WDR1: variants seen among roughly 807,000 people sequenced by gnomAD.
WDR1 encodes WD repeat domain 1, also known as WD repeat-containing protein 1.
A neutral mutation model predicts 71.9 loss-of-function variants in WDR1; 21 were observed. The observed-to-expected ratio is 0.29, with a 90% confidence interval of 0.21 to 0.42. WDR1 has a LOEUF of 0.42. Ranked by LOEUF, WDR1 falls within the 10% of genes least tolerant of loss-of-function variation. The pLI, the probability that WDR1 is intolerant of heterozygous loss-of-function variation, is 1.00. For synonymous variants in WDR1, 424 were observed against 347.4 expected (o/e 1.22, Z -2.45); for missense variants, 696 against 824.5 (o/e 0.84, Z 1.91).
chr4:10,087,820 C>A lies in WDR1; in HGVS notation c.838G>T (p.Asp280Tyr). 6.3e-7 allele frequency: 1 copy of A among 1,588,168 alleles called. No individual in the cohort carries two copies. Among genetic ancestry groups the A allele is most frequent in the Non-Finnish European group, 8.6e-7 (1 of 1,166,720 alleles). The change falls in exon 8 of 15, where the codon GAC (aspartate) becomes TAC (tyrosine). Residue 280 changes from aspartate to tyrosine, a missense_variant. Asp to Tyr is a radical substitution (Grantham distance 160, BLOSUM62 -3). Coordinates refer to ENST00000499869, the MANE Select transcript of WDR1 (RefSeq NM_017491.5). Reference sequence around the variant, plus strand: ...TGCCATAGGCAGCCCAGCTGCTGGTCCAGAACCGTGGAGCCCATGGGAAAT... The same window carrying A: ...TGCCATAGGCAGCCCAGCTGCTGGTACAGAACCGTGGAGCCCATGGGAAAT... The part of the protein sequence containing the change: ...STFPMGSTVL[D>Y]QQLGCLWQKD...
Position 10,116,162 on chromosome 4 carries a change from T to G in WDR1, c.89A>C (p.Asn30Thr). 1 of 1,613,714 alleles carries G rather than the reference T, an allele frequency of 6.2e-7. No homozygotes were observed. Among genetic ancestry groups the G allele is most frequent in the Non-Finnish European group, 8.5e-7 (1 of 1,179,812 alleles). Residue 30 changes from asparagine (N) to threonine (T), a missense_variant, in exon 2 of 15, where the codon AAC (asparagine) becomes ACC (threonine). Coordinates refer to ENST00000499869, the MANE Select transcript of WDR1 (RefSeq NM_017491.5). ...SKIIGGDPKG[N>T]NFLYTNGKCV... ...CTTTCCATTGGTGTACAGAAAATTG[T>G]TGCCCTTAGGGTCGCCGCCGATGAT... is the stretch of plus-strand genomic sequence containing the variant.
chr4:10,116,780 G>C lies in WDR1; in HGVS notation c.-114C>G, dbSNP rs1015424166. 9 of 1,191,812 alleles carry C rather than the reference G, an allele frequency of 7.6e-6. No individual in the cohort carries two copies. The Admixed American group carries it at 1.3e-4, about 17-fold the overall frequency. The allele number at this position is 1,191,812 out of a possible 1,614,324, so 73.8% of individuals were successfully genotyped here. On this transcript the variant is annotated 5_prime_UTR_variant, in exon 1 of 15. Transcript: ENST00000499869. Reference sequence around the variant, plus strand: ...GGGACTGGAGCCGGAAGGCGGCACCGGGCGTGCCGGGAGTGGAGTGGGCGG... The same window carrying C: ...GGGACTGGAGCCGGAAGGCGGCACCCGGCGTGCCGGGAGTGGAGTGGGCGG...
At chr4:10,083,808 C>T (rs921602316) in intron 9 of WDR1, among the ~76,000 whole-genome samples, 3 of 152,180 alleles carry the variant, frequency 2.0e-5, no homozygotes, top group East Asian at 1.9e-4. Context: ...AGGAAAAACA[C>T]AACAGAAGCC....
At chr4:10,110,116 C>T (rs145831530) in intron 2 of WDR1, among the ~76,000 whole-genome samples, 220 of 152,270 alleles carry the variant, frequency 1.4e-3, no homozygotes, top group African/African-American at 5.0e-3. Context: ...GGGTGGGATG[C>T]TGGCCTTTCC....
chr4:10,093,651 T>G (rs758270634), intron 5 of WDR1, among the ~76,000 whole-genome samples: 1 of 152,206 alleles, frequency 6.6e-6, no homozygotes, highest in African/African-American at 2.4e-5. Context: ...GGGCACCTAC[T>G]GGCCATGTGA....
In WDR1 at chr4:10,077,883, T is replaced by C. The variant is rs1462212645; in HGVS notation, c.1439A>G (p.Lys480Arg). Residue 480 changes from lysine to arginine, a missense_variant, in exon 13 of 15, where the codon AAG becomes AGG. Transcript: ENST00000499869. Reference sequence around the variant, plus strand: ...GGCCTCTAGGAGCTTGCCCTCATCCTTCAGCGTGGTGCCCAGGATGGAATA... The same window carrying C: ...GGCCTCTAGGAGCTTGCCCTCATCCCTCAGCGTGGTGCCCAGGATGGAATA... ...RLYSILGTTL[K>R]DEGKLLEAKG... 1 of 1,611,544 alleles carries C rather than the reference T, an allele frequency of 6.2e-7. No homozygotes were observed. The highest frequency in any genetic ancestry group is 8.5e-7 in the Non-Finnish European group (1 of 1,178,822).
chr4:10,081,671 G>GC (rs1765020144), intron 10 of WDR1, among the ~76,000 whole-genome samples: 2 of 133,436 alleles, frequency 1.5e-5, no homozygotes, highest in East Asian at 2.7e-4. Flanking sequence ...GGTGGGGGGG[G>GC]GGGAAGGAGG....
At chr4:10,116,346 G>T (rs746234371) in intron 1 of WDR1, 112 bp from the exon 2 acceptor site, 1 of 1,472,866 alleles carries the variant, frequency 6.8e-7, no homozygotes, top group Non-Finnish European at 9.2e-7. Context: ...GACTGCGCCG[G>T]GAGGGCGGCC....
At chr4:10,081,854 G>A (rs112994846) in intron 10 of WDR1, among the ~76,000 whole-genome samples, 43 of 152,262 alleles carry the variant, frequency 2.8e-4, no homozygotes, top group African/African-American at 9.1e-4. Context: ...TTAAGAATCC[G>A]TTACCTTTAA....
intron 5 of WDR1, among the ~76,000 whole-genome samples, chr4:10,089,943 C>A (rs1347932897): frequency 1.3e-5 from 2 of 152,154 alleles, no homozygotes; most frequent in Non-Finnish European, 2.9e-5. Context: ...CAGATGCAGT[C>A]CAGTTAAAAT....
chr4:10,081,346 C>T lies in WDR1; in HGVS notation c.1284+11G>A. The stretch of plus-strand genomic sequence containing the variant: ...GCAGGCTCCCACCCAAACACTAAGC[C>T]AGGTCCCTACCTGTCCAATGCACAC... On this transcript the variant is annotated intron_variant, in intron 11 of 14. Coordinates refer to ENST00000499869, the MANE Select transcript of WDR1 (RefSeq NM_017491.5). 1 of 1,613,410 alleles carries T rather than the reference C, an allele frequency of 6.2e-7. No individual in the cohort carries two copies. The highest frequency in any genetic ancestry group is 8.5e-7 in the Non-Finnish European group (1 of 1,179,430).
intron 2 of WDR1, among the ~76,000 whole-genome samples, chr4:10,111,675 G>C (rs1270851401): frequency 6.6e-6 from 1 of 152,164 alleles, no homozygotes; most frequent in Non-Finnish European, 1.5e-5. Flanking sequence ...AGCTAGGTCA[G>C]TCCTCAAGCC....
At chr4:10,087,656 T>A in intron 8 of WDR1, 51 bp downstream of exon 8, 1 of 1,503,574 alleles carries the variant, frequency 6.7e-7, no homozygotes, top group East Asian at 2.4e-5. Context: ...GCCACTCTGG[T>A]CTCTTCCCTG....
intron 12 of WDR1, 80 bp from the exon 13 acceptor site, chr4:10,078,006 G>T (rs1435709170): frequency 1.3e-5 from 19 of 1,449,242 alleles, no homozygotes; most frequent in Non-Finnish European, 1.5e-5. Flanking sequence ...GGGGTCGAGG[G>T]CTTAAGAAAC....
chr4:10,093,073 G>C, intron 5 of WDR1: 1 of 1,289,464 alleles, frequency 7.8e-7, no homozygotes, highest in Non-Finnish European at 1.0e-6. Flanking sequence ...GAAGCACTGA[G>C]GTCATAATTA....
At chr4:10,084,610 T>C in intron 8 of WDR1, 80 bp from the exon 9 acceptor site, 3 of 1,384,884 alleles carry the variant, frequency 2.2e-6, no homozygotes, top group South Asian at 1.2e-5. Context: ...CCAACGAAGC[T>C]TCTGGGTAAT....
At chr4:10,090,091 G>A (rs1223847861) in intron 5 of WDR1, among the ~76,000 whole-genome samples, 1 of 152,194 alleles carries the variant, frequency 6.6e-6, no homozygotes, top group Non-Finnish European at 1.5e-5. Flanking sequence ...CCCCAGGGCT[G>A]TCAGTATCTG....
intron 11 of WDR1, among the ~76,000 whole-genome samples, chr4:10,079,707 G>A (rs371765892): frequency 6.6e-6 from 1 of 152,200 alleles, no homozygotes; most frequent in Admixed American, 6.5e-5. Context: ...GCCACCAGCT[G>A]TCATGAGGGA....
Position 10,103,931 on chromosome 4 carries a change from T to A in WDR1, c.194A>T (p.Lys65Met). 1 of 1,601,700 alleles carries A rather than the reference T, an allele frequency of 6.2e-7. No homozygotes were observed. Among genetic ancestry groups the A allele is most frequent in the African/African-American group, 1.3e-5 (1 of 74,754 alleles). The change falls in exon 3 of 15, where the codon AAG becomes ATG. Residue 65 changes from lysine (K) to methionine (M), a missense_variant. Lys to Met is a moderately conservative substitution (Grantham distance 95). Coordinates refer to ENST00000499869, the MANE Select transcript of WDR1 (RefSeq NM_017491.5). ...AATGTAGAATCCGCTGGGCGCATAC[T>A]TGGCCACCACCACCTGATGGGCGTG... is the stretch of plus-strand genomic sequence containing the variant. The part of the protein sequence containing the change: ...TEHAHQVVVA[K>M]YAPSGFYIAS...
Sources: gnomAD v4.1 joint callset for allele counts (sites outside exome capture counted in the v4.1 genomes callset) on GRCh38, gnomAD v4.1.1 for gene constraint, MANE v1.5 for transcripts, NCBI Gene and HGNC (gene_info 2026-07-23, HGNC 2026-07-21) for gene names.